Variants in LRRTM4 observed in about 807,000 individuals in gnomAD.
LRRTM4 encodes the protein leucine rich repeat transmembrane neuronal 4.
Under a neutral mutation model 47.6 loss-of-function variants are expected in LRRTM4, and 25 were observed. That is an observed-to-expected ratio of 0.53 (90% CI 0.38 to 0.73). LRRTM4 has a LOEUF of 0.73. Among genes scored for constraint, LRRTM4 ranks in the 30% least tolerant of loss-of-function variants. LRRTM4 has a pLI of 0.00. For missense variants in LRRTM4, 638 were observed against 713.4 expected (o/e 0.89, Z 1.20); for synonymous variants, 311 against 269.5 (o/e 1.15, Z -1.51).
intron 3 of LRRTM4, among the ~76,000 whole-genome samples, chr2:76,888,454 T>C (rs1673147640): frequency 6.6e-6 from 1 of 151,608 alleles, no homozygotes; most frequent in East Asian, 1.9e-4. Flanking sequence ...CTATTGATGG[T>C]AACTTATTTT....
chr2:76,778,552 G>A (rs1264314625), intron 3 of LRRTM4, among the ~76,000 whole-genome samples: 2 of 151,876 alleles, frequency 1.3e-5, no homozygotes, highest in Non-Finnish European at 2.9e-5. Flanking sequence ...TTGCGTAGAG[G>A]TGTTTGTAGT....
At chr2:77,347,873 T>C (rs912541962) in intron 3 of LRRTM4, among the ~76,000 whole-genome samples, 20 of 152,072 alleles carry the variant, frequency 1.3e-4, no homozygotes, top group African/African-American at 4.6e-4. Context: ...ATCATCTATT[T>C]CTTTATATAT....
chr2:76,884,315 T>C (rs1386682060), intron 3 of LRRTM4, among the ~76,000 whole-genome samples: 1 of 152,188 alleles, frequency 6.6e-6, no homozygotes, highest in Admixed American at 6.5e-5. Flanking sequence ...TAATTATTAA[T>C]AGAAATGGGC....
chr2:76,790,473 G>A (rs74327938), intron 3 of LRRTM4, among the ~76,000 whole-genome samples: 3,368 of 152,270 alleles, frequency 0.022, 49 homozygotes, highest in Non-Finnish European at 0.035. Context: ...TCTTGGGCCA[G>A]CCTCAGTTTC....
intron 3 of LRRTM4, among the ~76,000 whole-genome samples, chr2:77,015,227 G>A (rs1338192241): frequency 1.3e-5 from 2 of 152,306 alleles, no homozygotes; most frequent in East Asian, 3.9e-4. Flanking sequence ...TGCCTGGCTT[G>A]TCCCTAAATC....
intron 3 of LRRTM4, among the ~76,000 whole-genome samples, chr2:76,863,628 T>G (rs553755953): frequency 1.5e-4 from 23 of 152,324 alleles, no homozygotes; most frequent in Admixed American, 1.5e-3. Context: ...TTTATTTATC[T>G]TTTATTCTCC....
intron 3 of LRRTM4, among the ~76,000 whole-genome samples, chr2:77,236,978 G>A (rs947303501): frequency 6.6e-6 from 1 of 151,840 alleles, no homozygotes; most frequent in Non-Finnish European, 1.5e-5. Context: ...ATTGGCCTGT[G>A]GTTTTCTTTG....
intron 3 of LRRTM4, among the ~76,000 whole-genome samples, chr2:77,268,270 C>T (rs1676104773): frequency 6.6e-6 from 1 of 152,086 alleles, no homozygotes; most frequent in African/African-American, 2.4e-5. Flanking sequence ...CTTTCATTCC[C>T]TTCAACTCCA....
intron 3 of LRRTM4, among the ~76,000 whole-genome samples, chr2:76,762,976 G>T (rs558786772): frequency 6.6e-6 from 1 of 152,284 alleles, no homozygotes; most frequent in South Asian, 2.1e-4. Context: ...TGACGGAAAA[G>T]AGAGAACTAA....
chr2:77,388,703 C>T (rs1673383062), intron 3 of LRRTM4, among the ~76,000 whole-genome samples: 1 of 151,866 alleles, frequency 6.6e-6, no homozygotes, highest in South Asian at 2.1e-4. Context: ...TGGATGTTTT[C>T]TGTAAGTCTT....
chr2:77,408,616 A>T (rs1422080338), intron 3 of LRRTM4, among the ~76,000 whole-genome samples: 1 of 152,154 alleles, frequency 6.6e-6, no homozygotes, highest in Non-Finnish European at 1.5e-5. Flanking sequence ...TGCTATGTTC[A>T]TCCACATTAC....
chr2:76,898,162 T>C (rs1673487583), intron 3 of LRRTM4, among the ~76,000 whole-genome samples: 2 of 152,066 alleles, frequency 1.3e-5, no homozygotes, highest in South Asian at 4.2e-4. Context: ...AAACTCTGTA[T>C]GAAAATAAAA....
intron 3 of LRRTM4, among the ~76,000 whole-genome samples, chr2:77,035,136 A>G (rs1037922008): frequency 6.6e-6 from 1 of 151,782 alleles, no homozygotes; most frequent in South Asian, 2.1e-4. Flanking sequence ...ATATGTATAC[A>G]TGTGCCATGT....
intron 3 of LRRTM4, among the ~76,000 whole-genome samples, chr2:76,911,973 A>G (rs1350471709): frequency 7.2e-6 from 1 of 139,440 alleles, no homozygotes. Flanking sequence ...TCTGTCGCCC[A>G]GGCTGGAGTG....
At chr2:76,800,521 A>G (rs1366330611) in intron 3 of LRRTM4, among the ~76,000 whole-genome samples, 61 of 135,394 alleles carry the variant, frequency 4.5e-4, no homozygotes, top group South Asian at 1.2e-3. Flanking sequence ...CCTAGGCATT[A>G]CCATTTAGGA....
chr2:76,877,927 A>T (rs894580088), intron 3 of LRRTM4, among the ~76,000 whole-genome samples: 1 of 152,170 alleles, frequency 6.6e-6, no homozygotes, highest in African/African-American at 2.4e-5. Flanking sequence ...AAAAAAGGTC[A>T]CAGATGCATA....
intron 3 of LRRTM4, among the ~76,000 whole-genome samples, chr2:76,898,326 G>C (rs114150939): frequency 0.014 from 2,157 of 152,086 alleles, 42 homozygotes; most frequent in African/African-American, 0.048. Flanking sequence ...GAAATCAGCA[G>C]ATTACATAGC....
chr2:77,068,381 A>C (rs931577200), intron 3 of LRRTM4, among the ~76,000 whole-genome samples: 1 of 152,126 alleles, frequency 6.6e-6, no homozygotes, highest in Non-Finnish European at 1.5e-5. Context: ...TCACAGAGTT[A>C]TACTATCACC....
At chr2:76,868,844 A>G (rs1211610962) in intron 3 of LRRTM4, among the ~76,000 whole-genome samples, 2 of 152,002 alleles carry the variant, frequency 1.3e-5, no homozygotes, top group Non-Finnish European at 2.9e-5. Flanking sequence ...TACCCCAATA[A>G]AATCACCCTT....
Sources: gnomAD v4.1 joint callset for allele counts (sites outside exome capture counted in the v4.1 genomes callset) on GRCh38, gnomAD v4.1.1 for gene constraint, MANE v1.5 for transcripts, NCBI Gene and HGNC (gene_info 2026-07-23, HGNC 2026-07-21) for gene names.